STK39: variants seen among roughly 807,000 people sequenced by gnomAD.
The protein encoded by STK39 is STE20/SPS1-related proline-alanine-rich protein kinase.
A neutral mutation model predicts 77.8 loss-of-function variants in STK39; 20 were observed. The observed-to-expected ratio is 0.26, with a 90% confidence interval of 0.18 to 0.37. The LOEUF is 0.37. Among genes scored for constraint, STK39 ranks in the 10% least tolerant of loss-of-function variants. The pLI, the probability that STK39 is intolerant of heterozygous loss-of-function variation, is 1.00. For missense variants in STK39, 479 were observed against 656.5 expected (o/e 0.73, Z 2.95); for synonymous variants, 246 against 234.1 (o/e 1.05, Z -0.47).
intron 14 of STK39, among the ~76,000 whole-genome samples, chr2:168,040,828 T>C (rs1685084932): frequency 6.6e-6 from 1 of 152,224 alleles, no homozygotes; most frequent in South Asian, 2.1e-4. Flanking sequence ...AGCTAAGGGT[T>C]CTTTTCCCTT....
chr2:168,155,643 C>T (rs1447043151), intron 5 of STK39, among the ~76,000 whole-genome samples: 1 of 151,784 alleles, frequency 6.6e-6, no homozygotes, highest in Non-Finnish European at 1.5e-5. Flanking sequence ...TTCATGTTCT[C>T]TGCTTCACTC....
Position 168,247,217 on chromosome 2 carries a change from G to A in STK39, c.208+11C>T. The A allele has an allele frequency of 8.3e-7, 1 of 1,199,238 alleles. No homozygotes were observed. The highest frequency in any genetic ancestry group is 2.4e-5 in the South Asian group (1 of 41,940). 74.3% of individuals were successfully genotyped at this position (1,199,238 alleles called of 1,614,324 possible). A position where few individuals can be genotyped will look rare whatever the true frequency, so the allele number is the denominator to read the frequency against. On this transcript the variant is annotated intron_variant, in intron 1 of 17. Transcript: ENST00000355999. ...GGCCTGTGCCGGCCCCGCCGCGCCC[G>A]CCGCACTGACCGATAACCTCCTGCA... is the stretch of plus-strand genomic sequence containing the variant.
Position 168,247,559 on chromosome 2 carries a change from G to GCCA in STK39, c.-125_-124insTGG. ...GCCCTCCCCGCCCGCCGCCGCCGCC[G>GCCA]CCGTCCCCGCCGAAGCCAGCTAGGA... is the stretch of plus-strand genomic sequence containing the variant. On this transcript the variant is annotated 5_prime_UTR_variant, in exon 1 of 18. Coordinates refer to ENST00000355999, the MANE Select transcript of STK39 (RefSeq NM_013233.3). 1.3e-6 allele frequency: 1 copy of GCCA among 742,618 alleles called. No homozygotes were observed. Among genetic ancestry groups the GCCA allele is most frequent in the Non-Finnish European group, 1.7e-6 (1 of 579,792 alleles). The allele number at this position is 742,618 out of a possible 1,614,324, so 46.0% of individuals were successfully genotyped here. A position where few individuals can be genotyped will look rare whatever the true frequency, so the allele number is the denominator to read the frequency against.
At position 167,964,683 on chromosome 2, in the gene STK39, T is replaced by A; in HGVS notation, c.1542A>T (p.Leu514Phe). 1 of 1,611,696 alleles carries A rather than the reference T, an allele frequency of 6.2e-7. No individual in the cohort carries two copies. The highest frequency in any genetic ancestry group is 1.1e-5 in the South Asian group (1 of 90,360). ...LQKIVDDPKALKTLTFKLASG... is the reference protein window; with the variant it reads ...LQKIVDDPKAFKTLTFKLASG... Reference sequence around the variant, plus strand: ...TTACCAACTTAAATGTCAATGTTTTTAAAGCTTTGGGATCATCTACAATCT... The same window carrying A: ...TTACCAACTTAAATGTCAATGTTTTAAAAGCTTTGGGATCATCTACAATCT... Residue 514 changes from leucine to phenylalanine, a missense_variant, in exon 17 of 18, where the codon TTA becomes TTT. Physicochemically the swap from Leu to Phe is conservative, Grantham distance 22. Coordinates refer to ENST00000355999, the MANE Select transcript of STK39 (RefSeq NM_013233.3).
intron 5 of STK39, among the ~76,000 whole-genome samples, chr2:168,159,096 T>C (rs929707836): frequency 3.9e-5 from 6 of 152,170 alleles, no homozygotes; most frequent in Non-Finnish European, 7.3e-5. Context: ...TGTTTTCTAT[T>C]AGGATAGCAA....
chr2:168,017,252 T>C (rs1274602705), intron 14 of STK39, among the ~76,000 whole-genome samples, 157 bp from the exon 15 acceptor site: 2 of 152,146 alleles, frequency 1.3e-5, no homozygotes, highest in Admixed American at 1.3e-4. Flanking sequence ...AAGATAGTTA[T>C]AACAGTAATA....
At chr2:167,979,610 G>C (rs577371566) in intron 16 of STK39, among the ~76,000 whole-genome samples, 1 of 152,104 alleles carries the variant, frequency 6.6e-6, no homozygotes, top group African/African-American at 2.4e-5. Context: ...GAGGTAAAAC[G>C]TTCCAAGAGT....
intron 8 of STK39, among the ~76,000 whole-genome samples, chr2:168,132,119 G>A (rs1687713004): frequency 6.6e-6 from 1 of 152,062 alleles, no homozygotes; most frequent in Non-Finnish European, 1.5e-5. Context: ...ACTCAGAAAT[G>A]GACCAAAATG....
At position 167,964,734 on chromosome 2, in the gene STK39, A is replaced by G. The variant is rs760522088; in HGVS notation, c.1499-8T>C. On this transcript the variant is annotated splice_region_variant and splice_polypyrimidine_tract_variant and intron_variant, in intron 16 of 17. Coordinates refer to ENST00000355999, the MANE Select transcript of STK39 (RefSeq NM_013233.3). ...TCTGTAAATTAGCAGCCACTGTAAA[A>G]TATAAACGTAGAGAGAAAGTTTCCA... 4 of 1,605,792 alleles carry G rather than the reference A, an allele frequency of 2.5e-6. No homozygotes were observed. Among genetic ancestry groups the G allele is most frequent in the Non-Finnish European group, 2.6e-6 (3 of 1,175,676 alleles).
At chr2:168,209,969 C>T (rs1011118575) in intron 1 of STK39, among the ~76,000 whole-genome samples, 7 of 141,062 alleles carry the variant, frequency 5.0e-5, no homozygotes, top group African/African-American at 1.9e-4. Context: ...TACATTCCAG[C>T]TTGGGTGACA....
chr2:168,156,231 G>C (rs757215116), intron 5 of STK39, among the ~76,000 whole-genome samples: 4 of 152,206 alleles, frequency 2.6e-5, no homozygotes, highest in African/African-American at 4.8e-5. Flanking sequence ...AGTTACTCAG[G>C]TAAGAAAGGG....
At chr2:168,113,270 G>T (rs1687168152) in intron 10 of STK39, among the ~76,000 whole-genome samples, 1 of 152,186 alleles carries the variant, frequency 6.6e-6, no homozygotes, top group African/African-American at 2.4e-5. Context: ...CATTAATAAT[G>T]CTAGTAAAGT....
rs1685197213 is a variant in STK39 at position 168,044,816 on chromosome 2, G to A, written c.1376+18684C>T. ...CAGAAGACAAATAAGATTGGGAAAG[G>A]AGACCAAGAATGTAAACCAACCAAC... On this transcript the variant is annotated intron_variant, in intron 14 of 17. Transcript: ENST00000355999. Among the ~76,000 whole-genome samples, 3 of 152,164 alleles carry A rather than the reference G, an allele frequency of 2.0e-5. No homozygotes were observed. In the South Asian group the frequency reaches 6.2e-4, roughly 32 times the overall value.
intron 1 of STK39, chr2:168,231,820 G>A (rs1043893941): frequency 2.7e-5 from 6 of 221,168 alleles, no homozygotes. Context: ...GGCACTCCTG[G>A]TGATGCTCTG....
At position 168,235,662 on chromosome 2, in the gene STK39, T is replaced by A. The variant is rs555598837; in HGVS notation, c.208+11566A>T. ...ATGTTCCCCTTCCTGTGTCCATGTGTTCTCATTGTTCAATTCCCACCTATG... is the reference window on the plus strand; with the variant it reads ...ATGTTCCCCTTCCTGTGTCCATGTGATCTCATTGTTCAATTCCCACCTATG... On this transcript the variant is annotated intron_variant, in intron 1 of 17. Coordinates refer to ENST00000355999, the MANE Select transcript of STK39 (RefSeq NM_013233.3). Among the ~76,000 whole-genome samples the A allele has an allele frequency of 1.8e-4, 24 of 136,096 alleles. No homozygotes were observed. The East Asian group carries it at 2.3e-3, about 13-fold the overall frequency. The allele number at this position is 136,096 out of a possible 152,430, so 89.3% of individuals were successfully genotyped here.
At chr2:168,013,844 G>C (rs1684338417) in intron 15 of STK39, among the ~76,000 whole-genome samples, 1 of 149,782 alleles carries the variant, frequency 6.7e-6, no homozygotes, top group Non-Finnish European at 1.5e-5. Flanking sequence ...GTATGTGTTT[G>C]CATATGTGCA....
chr2:168,081,994 G>A (rs112682772), intron 10 of STK39, among the ~76,000 whole-genome samples: 3,446 of 152,076 alleles, frequency 0.023, 107 homozygotes, highest in African/African-American at 0.077. Flanking sequence ...GCCTAGTCTC[G>A]GGTATGTCTT....
chr2:168,177,865 T>C (rs767017053), intron 2 of STK39, among the ~76,000 whole-genome samples: 32 of 152,178 alleles, frequency 2.1e-4, no homozygotes, highest in Admixed American at 4.6e-4. Context: ...GGAATACATA[T>C]TAGACAAAAG....
chr2:168,216,116 A>T (rs1406245405), intron 1 of STK39, among the ~76,000 whole-genome samples: 1 of 145,286 alleles, frequency 6.9e-6, no homozygotes, highest in African/African-American at 2.5e-5. Flanking sequence ...AGAGACAGGA[A>T]ACAGAGTTCA....
Sources: gnomAD v4.1 joint callset for allele counts (sites outside exome capture counted in the v4.1 genomes callset) on GRCh38, gnomAD v4.1.1 for gene constraint, MANE v1.5 for transcripts, NCBI Gene and HGNC (gene_info 2026-07-23, HGNC 2026-07-21) for gene names.